DARS1: variants seen among roughly 807,000 people sequenced by gnomAD.
DARS1 encodes the protein aspartate--tRNA ligase, cytoplasmic.
DARS1 carries 51 observed loss-of-function variants against 68.8 expected under a neutral mutation model. The ratio of observed to expected loss-of-function variants is 0.74; its 90% CI spans 0.59 to 0.94. The LOEUF (loss-of-function observed/expected upper bound fraction) is 0.94. Ranked by LOEUF, DARS1 falls within the 40% of genes least tolerant of loss-of-function variation. DARS1 has a pLI of 0.00. For synonymous variants in DARS1, 203 were observed against 190.4 expected (o/e 1.07, Z -0.55); for missense variants, 607 against 597.3 (o/e 1.02, Z -0.17).
At chr2:135,916,161 C>T in intron 11 of DARS1, 65 bp downstream of exon 11, 1 of 890,150 alleles carries the variant, frequency 1.1e-6, no homozygotes, top group Non-Finnish European at 1.8e-6. Context: ...ACCTATGTAA[C>T]AAACCTGCAC....
At chr2:135,978,250 G>T (rs1378236830) in intron 3 of DARS1, among the ~76,000 whole-genome samples, 1 of 151,468 alleles carries the variant, frequency 6.6e-6, no homozygotes, top group Non-Finnish European at 1.5e-5. Context: ...TTAAAATAAT[G>T]GGCATGTATT....
chr2:135,935,688 T>TA (rs1216188290), intron 5 of DARS1, among the ~76,000 whole-genome samples: 1 of 152,206 alleles, frequency 6.6e-6, no homozygotes, highest in Non-Finnish European at 1.5e-5. Context: ...AACTGGGTCA[T>TA]AAAGACTGAA....
chr2:135,920,633 C>T (rs1681094407), intron 9 of DARS1, 33 bp from the exon 10 acceptor site: 1 of 1,530,486 alleles, frequency 6.5e-7, no homozygotes, highest in Non-Finnish European at 8.7e-7. Context: ...AGAGAGCAAA[C>T]ACTGATTTCA....
intron 3 of DARS1, among the ~76,000 whole-genome samples, chr2:135,971,838 C>T (rs888188553): frequency 6.6e-6 from 1 of 151,840 alleles, no homozygotes; most frequent in Admixed American, 6.6e-5. Flanking sequence ...AAAGTAATCC[C>T]ACATACAATA....
At chr2:135,939,396 C>A (rs1681544565) in intron 5 of DARS1, among the ~76,000 whole-genome samples, 1 of 152,236 alleles carries the variant, frequency 6.6e-6, no homozygotes, top group South Asian at 2.1e-4. Flanking sequence ...GAACAACCTG[C>A]TCCTGAATGA....
At chr2:135,985,294 G>A (rs1288970137) in intron 1 of DARS1, 109 bp downstream of exon 1, 37 of 1,460,364 alleles carry the variant, frequency 2.5e-5, no homozygotes, top group Non-Finnish European at 3.3e-5. Context: ...GCAGCCTGCG[G>A]AGAACGTGCC....
At chr2:135,984,081 C>A (rs564725615) in intron 1 of DARS1, among the ~76,000 whole-genome samples, 54 of 152,272 alleles carry the variant, frequency 3.5e-4, no homozygotes, top group African/African-American at 1.3e-3. Context: ...TTTCTTGTTA[C>A]AGATTAGAGT....
intron 3 of DARS1, among the ~76,000 whole-genome samples, chr2:135,974,925 ATCT>A (rs1289510561): frequency 6.6e-6 from 1 of 152,242 alleles, no homozygotes; most frequent in Non-Finnish European, 1.5e-5. Context: ...AAGAAGTTTA[ATCT>A]AACCAATGAC....
chr2:135,924,722 T>C (rs1681178406), intron 7 of DARS1, among the ~76,000 whole-genome samples: 1 of 152,214 alleles, frequency 6.6e-6, no homozygotes, highest in South Asian at 2.1e-4. Flanking sequence ...CGGAAATCCT[T>C]AGTGAGCAGA....
At chr2:135,983,817 G>A (rs1682696379) in intron 1 of DARS1, among the ~76,000 whole-genome samples, 1 of 152,202 alleles carries the variant, frequency 6.6e-6, no homozygotes, top group Non-Finnish European at 1.5e-5. Flanking sequence ...TGTGAAGGGA[G>A]TAGGATGAAG....
chr2:135,910,592 G>A (rs920022662), intron 15 of DARS1, among the ~76,000 whole-genome samples: 12 of 151,998 alleles, frequency 7.9e-5, no homozygotes, highest in African/African-American at 2.4e-4. Flanking sequence ...ACTGTCTCTC[G>A]ACCAATTTTA....
intron 15 of DARS1, among the ~76,000 whole-genome samples, chr2:135,909,149 G>A (rs1179631845): frequency 5.3e-5 from 8 of 151,936 alleles, no homozygotes; most frequent in Non-Finnish European, 1.0e-4. Context: ...TGGGGTGGGG[G>A]ACAGCATTAG....
At chr2:135,908,758 GTTGT>G (rs1301716223) in intron 15 of DARS1, among the ~76,000 whole-genome samples, 16 of 152,192 alleles carry the variant, frequency 1.1e-4, no homozygotes, top group South Asian at 4.1e-4. Flanking sequence ...TTTTAATGGG[GTTGT>G]TTGTTTTGCT....
At position 135,961,380 on chromosome 2, in the gene DARS1, A is replaced by G. The variant is rs1421625836; in HGVS notation, c.320+16T>C. Reference sequence around the variant, plus strand: ...CCATTGTTTATTCTGACAACAGGATATAATTGCTTACTTACTTGGCAGCAA... The same window carrying G: ...CCATTGTTTATTCTGACAACAGGATGTAATTGCTTACTTACTTGGCAGCAA... On this transcript the variant is annotated intron_variant, in intron 4 of 15. Transcript: ENST00000264161. 2 of 1,080,060 alleles carry G rather than the reference A, an allele frequency of 1.9e-6. No individual in the cohort carries two copies. The highest frequency in any genetic ancestry group is 2.9e-6 in the Non-Finnish European group (2 of 691,478). 66.9% of individuals were successfully genotyped at this position (1,080,060 alleles called of 1,614,324 possible). A position where few individuals can be genotyped will look rare whatever the true frequency, so the allele number is the denominator to read the frequency against.
At chr2:135,924,995 A>G (rs1011299270) in intron 7 of DARS1, among the ~76,000 whole-genome samples, 5 of 152,220 alleles carry the variant, frequency 3.3e-5, no homozygotes, top group African/African-American at 1.2e-4. Flanking sequence ...AAGAAATTAA[A>G]AAGAAAAAAA....
Position 135,924,450 on chromosome 2 carries a change from G to A in DARS1, c.613C>T (p.Leu205Phe). 2 of 1,609,866 alleles carry A rather than the reference G, an allele frequency of 1.2e-6. No individual in the cohort carries two copies. Among genetic ancestry groups the A allele is most frequent in the South Asian group, 2.2e-5 (2 of 89,896 alleles). The change falls in exon 8 of 16, where the codon CTC becomes TTC. Residue 205 changes from leucine to phenylalanine, a missense_variant. Leu to Phe is a conservative substitution (Grantham distance 22). Coordinates refer to ENST00000264161, the MANE Select transcript of DARS1 (RefSeq NM_001349.4). ...TTGTTAATTAAAGTTTCTCGGAAGAGATGGCAGATGCCAGACTGGAGACGG... is the reference window on the plus strand; with the variant it reads ...TTGTTAATTAAAGTTTCTCGGAAGAAATGGCAGATGCCAGACTGGAGACGG... ...VFRLQSGICH[L>F]FRETLINKGF...
chr2:135,918,766 C>A (rs1388790157), intron 10 of DARS1, among the ~76,000 whole-genome samples: 1 of 151,984 alleles, frequency 6.6e-6, no homozygotes, highest in Non-Finnish European at 1.5e-5. Flanking sequence ...ATTATAAATG[C>A]GAACAGAAAA....
chr2:135,982,998 T>TA (rs1682671509), intron 2 of DARS1, among the ~76,000 whole-genome samples: 1 of 151,988 alleles, frequency 6.6e-6, no homozygotes, highest in African/African-American at 2.4e-5. Flanking sequence ...GTCAGAGAAG[T>TA]AAAGTTGTGG....
chr2:135,977,954 C>G (rs964414639), intron 3 of DARS1, among the ~76,000 whole-genome samples: 3 of 151,718 alleles, frequency 2.0e-5, no homozygotes, highest in Non-Finnish European at 4.4e-5. Context: ...ACCAGCCTGG[C>G]CAACATGGTG....
Sources: allele counts gnomAD v4.1 joint callset (sites outside exome capture counted in the v4.1 genomes callset), GRCh38; gene constraint gnomAD v4.1.1; transcripts MANE v1.5; gene names NCBI Gene and HGNC (gene_info 2026-07-23, HGNC 2026-07-21).